The following CELF2 variants were observed in gnomAD, a reference collection of about 807,000 sequenced individuals.
CELF2 encodes the protein CUG triplet repeat RNA-binding protein 2.
CELF2 carries 8 observed loss-of-function variants against 62.6 expected under a neutral mutation model. That is an observed-to-expected ratio of 0.13 (90% CI 0.07 to 0.23). CELF2 has a LOEUF of 0.23. Among genes scored for constraint, CELF2 ranks in the 10% least tolerant of loss-of-function variants. The pLI, the probability that CELF2 is intolerant of heterozygous loss-of-function variation, is 1.00. For synonymous variants in CELF2, 258 were observed against 250.0 expected, an observed-to-expected ratio of 1.03 and a Z score of -0.30; for missense variants, 333 against 671.0, an observed-to-expected ratio of 0.50 and a Z score of 5.56.
At chr10:10,648,973 T>C in the CELF2 span, among the ~76,000 whole-genome samples, 2 of 152,202 alleles carry the variant, frequency 1.3e-5, no homozygotes, top group Non-Finnish European at 2.9e-5. Context: ...CATTGAAATG[T>C]TATGTGTTGC....
At chr10:10,684,768 C>A in the CELF2 span, among the ~76,000 whole-genome samples, 2 of 152,046 alleles carry the variant, frequency 1.3e-5, no homozygotes, top group Non-Finnish European at 2.9e-5. Context: ...AAAATTGCAA[C>A]AAGAGCTTTG....
the CELF2 span, among the ~76,000 whole-genome samples, chr10:10,564,577 C>G: frequency 6.6e-6 from 1 of 151,546 alleles, no homozygotes; most frequent in Non-Finnish European, 1.5e-5. Flanking sequence ...CCCTTTTCAT[C>G]TGTTTCTGAC....
In CELF2 at chr10:11,187,273, G is replaced by A. The variant is rs142298248; in HGVS notation, c.271+21591G>A. 2.3e-4 allele frequency among the ~76,000 whole-genome samples: 35 copies of A among 152,106 alleles called. 1 individual carries two copies. The East Asian group carries it at 6.6e-3, about 29-fold the overall frequency. On this transcript the variant is annotated intron_variant, in intron 2 of 12. Coordinates refer to ENST00000633077, the MANE Select transcript of CELF2 (RefSeq NM_001326342.2). ...TCTCTTTGTGAATTGACTCCTTGGT[G>A]GTTTTGAAATGACCTTTATTTCTGG...
the CELF2 span, among the ~76,000 whole-genome samples, chr10:10,661,991 T>C: frequency 6.6e-6 from 1 of 152,056 alleles, no homozygotes; most frequent in Admixed American, 6.5e-5. Flanking sequence ...CAAGTAGAAG[T>C]AGCCTCCCAG....
rs117756310 is a variant in CELF2, at chr10:11,009,435, T to G, written c.53+3995T>G. Among the ~76,000 whole-genome samples, 991 of 152,240 alleles carry G rather than the reference T, an allele frequency of 6.5e-3. 5 individuals carry two copies. Among genetic ancestry groups the G allele is most frequent in the Admixed American group, 0.019 (295 of 15,298 alleles). ...AACCCTGATTTTCGATGAGGTACAC[T>G]TTGTTCCCAAACACACCATTCTGCT... On this transcript the variant is annotated intron_variant, in intron 1 of 12. Transcript: ENST00000416382.
At chr10:10,965,229 T>G (rs768324251) in intron 2 of CELF2, among the ~76,000 whole-genome samples, 1 of 152,206 alleles carries the variant, frequency 6.6e-6, no homozygotes, top group Non-Finnish European at 1.5e-5. Context: ...TGGTATGGTT[T>G]GACAGTAAGT....
intron 1 of CELF2, among the ~76,000 whole-genome samples, chr10:10,848,209 T>C (rs970419825): frequency 3.3e-5 from 5 of 152,220 alleles, no homozygotes; most frequent in African/African-American, 1.2e-4. Context: ...CTAGTTGATG[T>C]GTTCAGTACC....
At chr10:10,747,763 G>A in the CELF2 span, among the ~76,000 whole-genome samples, 1 of 152,220 alleles carries the variant, frequency 6.6e-6, no homozygotes, top group Non-Finnish European at 1.5e-5. Flanking sequence ...CTGGAGTGCA[G>A]TGGCACGATC....
intron 1 of CELF2, among the ~76,000 whole-genome samples, chr10:10,850,957 C>A (rs960123815): frequency 9.2e-5 from 14 of 152,228 alleles, no homozygotes; most frequent in African/African-American, 2.9e-4. Flanking sequence ...AGGCGCCCCC[C>A]ACCATGCCTG....
the CELF2 span, among the ~76,000 whole-genome samples, chr10:10,591,852 A>G: frequency 2.0e-5 from 3 of 152,178 alleles, no homozygotes; most frequent in Admixed American, 6.5e-5. Context: ...ACTCAGTGTA[A>G]GGCATATTAT....
At chr10:10,615,352 A>G in the CELF2 span, among the ~76,000 whole-genome samples, 1 of 152,114 alleles carries the variant, frequency 6.6e-6, no homozygotes. Flanking sequence ...GGGTTGTCAG[A>G]TGGATGCATC....
chr10:10,628,242 C>A, the CELF2 span, among the ~76,000 whole-genome samples: 1 of 151,804 alleles, frequency 6.6e-6, no homozygotes, highest in Admixed American at 6.6e-5. Flanking sequence ...AAACAGTAAA[C>A]CCTGAAAGGC....
At chr10:10,847,393 C>T (rs2059083902) in intron 1 of CELF2, among the ~76,000 whole-genome samples, 1 of 152,092 alleles carries the variant, frequency 6.6e-6, no homozygotes, top group African/African-American at 2.4e-5. Flanking sequence ...TTTATAGCCT[C>T]AAATGAGAAA....
intron 2 of CELF2, among the ~76,000 whole-genome samples, chr10:10,954,211 T>TTTATTATTA (rs148582483): frequency 1.1e-4 from 15 of 137,292 alleles, no homozygotes; most frequent in Middle Eastern, 3.7e-3. Context: ...TGGCAATTTA[T>TTTATTATTA]TTATTATTAT....
chr10:10,971,997 C>T (rs1445453688), intron 2 of CELF2, among the ~76,000 whole-genome samples: 1 of 152,078 alleles, frequency 6.6e-6, no homozygotes, highest in East Asian at 1.9e-4. Flanking sequence ...TACACATATA[C>T]CATCCTCATT....
At chr10:11,261,476 A>G (rs1278055643) in intron 5 of CELF2, among the ~76,000 whole-genome samples, 2 of 148,768 alleles carry the variant, frequency 1.3e-5, no homozygotes, top group African/African-American at 5.0e-5. Flanking sequence ...AAGTATTTTT[A>G]AAATCCCATC....
intron 1 of CELF2, among the ~76,000 whole-genome samples, chr10:11,128,709 A>T (rs2059134931): frequency 6.6e-6 from 1 of 152,096 alleles, no homozygotes; most frequent in Non-Finnish European, 1.5e-5. Context: ...AATGCTTGTG[A>T]TTTTTGCACA....
intron 1 of CELF2, among the ~76,000 whole-genome samples, chr10:11,155,166 C>G (rs768973842): frequency 6.6e-6 from 1 of 152,220 alleles, no homozygotes; most frequent in African/African-American, 2.4e-5. Context: ...ATGCTTCTTA[C>G]AACAAGTTAT....
chr10:10,809,573 A>G (rs1043872244), intron 1 of CELF2, among the ~76,000 whole-genome samples: 6 of 152,230 alleles, frequency 3.9e-5, no homozygotes, highest in East Asian at 3.8e-4. Context: ...CCATACGACA[A>G]TAAGTCAAAA....
Sources: gnomAD v4.1 joint callset for allele counts (sites outside exome capture counted in the v4.1 genomes callset) on GRCh38, gnomAD v4.1.1 for gene constraint, MANE v1.5 for transcripts, NCBI Gene and HGNC (gene_info 2026-07-23, HGNC 2026-07-21) for gene names.